Variants in TNC observed in about 807,000 individuals in gnomAD.
The protein encoded by TNC is tenascin C.
In TNC, 109 loss-of-function variants were observed where a neutral mutation model predicts 202.4. The observed-to-expected ratio is 0.54, with a 90% CI of 0.46 to 0.63. The LOEUF (loss-of-function observed/expected upper bound fraction) is 0.63. Ranked by LOEUF, TNC falls within the 30% of genes least tolerant of loss-of-function variation. The pLI is 0.00. For synonymous variants in TNC, 1,007 were observed against 1,089.7 expected (o/e 0.92, Z 1.50); for missense variants, 2,756 against 2,833.3 (o/e 0.97, Z 0.62).
chr9:115,021,208 C>T lies in TNC; in HGVS notation c.6555G>A (p.Lys2185=), dbSNP rs1207127834. The change falls in exon 28 of 28, where the codon AAG becomes AAA. Residue 2185 remains lysine (K), a synonymous_variant. Transcript: ENST00000350763. ...GATTTCTGAAGTTGCTTGGTCTCAG[C>T]TTCATCTCAGCAAACTGGATTGAGT... ...HEHSIQFAEM[K]LRPSNFRNLE... The T allele has an allele frequency of 1.9e-6, 3 of 1,613,576 alleles. No homozygotes were observed. The highest frequency in any genetic ancestry group is 1.7e-6 in the Non-Finnish European group (2 of 1,179,974).
chr9:115,029,562 T>A, intron 24 of TNC, 106 bp from the exon 25 acceptor site: 1 of 1,116,610 alleles, frequency 9.0e-7, no homozygotes, highest in Non-Finnish European at 1.3e-6. Context: ...TCAGGCTCCA[T>A]TCTGTCCATC....
chr9:115,068,731 A>T (rs1273717400), intron 10 of TNC, among the ~76,000 whole-genome samples: 2 of 152,164 alleles, frequency 1.3e-5, no homozygotes, highest in Non-Finnish European at 2.9e-5. Context: ...CACTAAGGTA[A>T]AGTTTCTCAT....
chr9:115,032,617 C>T (rs1830034016), intron 22 of TNC, among the ~76,000 whole-genome samples: 1 of 152,110 alleles, frequency 6.6e-6, no homozygotes, highest in Admixed American at 6.5e-5. Context: ...TTGGGCCTGG[C>T]TATATTTAAG....
At chr9:115,075,173 C>T (rs542255887) in intron 9 of TNC, among the ~76,000 whole-genome samples, 5 of 151,944 alleles carry the variant, frequency 3.3e-5, no homozygotes, top group African/African-American at 9.7e-5. Flanking sequence ...GAGGAGTTTT[C>T]TTTTTGCAGT....
intron 15 of TNC, among the ~76,000 whole-genome samples, chr9:115,052,034 C>T (rs1364924580): frequency 1.0e-5 from 1 of 98,778 alleles, no homozygotes; most frequent in Admixed American, 9.6e-5. Flanking sequence ...ATAGATAGAT[C>T]ATATTTATAT....
intron 16 of TNC, among the ~76,000 whole-genome samples, chr9:115,047,635 AC>A (rs1278998286): frequency 6.6e-6 from 1 of 152,136 alleles, no homozygotes; most frequent in Non-Finnish European, 1.5e-5. Context: ...ACCGAGTAGG[AC>A]CTTTGAACAT....
intron 17 of TNC, among the ~76,000 whole-genome samples, chr9:115,045,759 A>AG (rs1588049024): frequency 1.3e-5 from 2 of 151,890 alleles, no homozygotes; most frequent in Non-Finnish European, 2.9e-5. Context: ...TTAAACTCCA[A>AG]GGACACTCTA....
At position 115,026,817 on chromosome 9, in the gene TNC, A is replaced by G. The variant is rs577200819; in HGVS notation, c.6170-122T>C. ...CAGGGCCAACTGGGCCCAGTGGCTC[A>G]TGCCTGTAATCTCAGCACTTTGGGA... On this transcript the variant is annotated intron_variant, in intron 25 of 27. Transcript: ENST00000350763. 2.4e-5 allele frequency: 11 copies of G among 450,126 alleles called. No individual in the cohort carries two copies. In the Admixed American group the frequency reaches 3.0e-4, roughly 12 times the overall value. The allele number at this position is 450,126 out of a possible 1,614,324, so 27.9% of individuals were successfully genotyped here.
chr9:115,099,425 T>C (rs1014777232), intron 1 of TNC, among the ~76,000 whole-genome samples: 8 of 152,224 alleles, frequency 5.3e-5, no homozygotes, highest in African/African-American at 1.9e-4. Flanking sequence ...GGATATCTGC[T>C]CTACATCAGT....
chr9:115,047,965 A>G (rs928609359), intron 16 of TNC, among the ~76,000 whole-genome samples: 1 of 152,218 alleles, frequency 6.6e-6, no homozygotes, highest in African/African-American at 2.4e-5. Flanking sequence ...CAGGTTGATC[A>G]CAAGGGACGA....
chr9:115,079,027 C>T (rs1244961190), intron 6 of TNC, among the ~76,000 whole-genome samples: 1 of 152,200 alleles, frequency 6.6e-6, no homozygotes. Flanking sequence ...CATATTCCCT[C>T]CCTGTGGCTG....
intron 1 of TNC, among the ~76,000 whole-genome samples, chr9:115,102,951 C>T (rs1262714843): frequency 3.3e-5 from 5 of 152,236 alleles, no homozygotes; most frequent in Non-Finnish European, 7.3e-5. Context: ...AACAAATACT[C>T]TTACTTTCCT....
rs367910385 is a variant in TNC, at chr9:115,114,755, C to A, written c.-137+3227G>T. 3.9e-5 allele frequency among the ~76,000 whole-genome samples: 6 copies of A among 152,188 alleles called. No homozygotes were observed. In the East Asian group the frequency reaches 7.7e-4, roughly 20 times the overall value. ...GAACAGTGGGGTATTAGTTAGAAAG[C>A]TTGGGTCAAAGCCAGCTCTGCCCCT... On this transcript the variant is annotated intron_variant, in intron 1 of 27. Transcript: ENST00000350763.
At chr9:115,102,972 A>G (rs1831228146) in intron 1 of TNC, among the ~76,000 whole-genome samples, 1 of 152,240 alleles carries the variant, frequency 6.6e-6, no homozygotes, top group Admixed American at 6.5e-5. Flanking sequence ...GATGGCCCTA[A>G]TGTAATTAGC....
At chr9:115,036,002 T>A in intron 21 of TNC, 96 bp downstream of exon 21, 1 of 1,481,114 alleles carries the variant, frequency 6.8e-7, no homozygotes. Flanking sequence ...GGCCCTGACT[T>A]AAGAAAGAAG....
chr9:115,058,011 A>G (rs181578101), intron 14 of TNC, among the ~76,000 whole-genome samples: 2 of 152,264 alleles, frequency 1.3e-5, no homozygotes, highest in Non-Finnish European at 1.5e-5. Context: ...TTTTTTTCAT[A>G]CTTTAGAGAA....
chr9:115,108,757 G>T (rs1836814163), intron 1 of TNC, among the ~76,000 whole-genome samples: 1 of 152,152 alleles, frequency 6.6e-6, no homozygotes, highest in South Asian at 2.1e-4. Context: ...TAGATCATGA[G>T]GGCAGAGGCT....
At chr9:115,039,428 G>C (rs1213354352) in intron 19 of TNC, among the ~76,000 whole-genome samples, 3 of 152,354 alleles carry the variant, frequency 2.0e-5, no homozygotes, top group African/African-American at 7.2e-5. Flanking sequence ...GAAGTCTTAA[G>C]TATGGTTTTC....
chr9:115,101,002 A>G (rs1209379578), intron 1 of TNC, among the ~76,000 whole-genome samples: 1 of 152,106 alleles, frequency 6.6e-6, no homozygotes, highest in East Asian at 1.9e-4. Flanking sequence ...GATCCTGGAG[A>G]GCATTTGTGT....
Sources: gnomAD v4.1 joint callset for allele counts (sites outside exome capture counted in the v4.1 genomes callset) on GRCh38, gnomAD v4.1.1 for gene constraint, MANE v1.5 for transcripts, NCBI Gene and HGNC (gene_info 2026-07-23, HGNC 2026-07-21) for gene names.